The following ABCA2 variants were observed in gnomAD, a reference collection of about 807,000 sequenced individuals.
ABCA2 encodes the protein ATP-binding cassette sub-family A member 2.
In ABCA2, 84 loss-of-function variants were observed where a neutral mutation model predicts 262.8. The ratio of observed to expected loss-of-function variants is 0.32; its 90% CI spans 0.27 to 0.38. The LOEUF is 0.38. ABCA2 is among the 10% of genes least tolerant of loss of function. The pLI is 1.00. For missense variants in ABCA2, 2,662 were observed against 3,405.9 expected, an observed-to-expected ratio of 0.78 and a Z score of 5.44; for synonymous variants, 1,696 against 1,502.9, an observed-to-expected ratio of 1.13 and a Z score of -2.97.
At position 137,024,169 on chromosome 9, in the gene ABCA2, T is replaced by C. The variant is rs552119429; in HGVS notation, c.134A>G (p.Lys45Arg). Residue 45 changes from lysine (K) to arginine (R), a missense_variant, in exon 2 of 49, where the codon AAG (lysine) becomes AGG (arginine). Lys to Arg is a conservative substitution (Grantham distance 26). Around this residue, in one of 12 missense-constraint regions of ABCA2, gnomAD observed 101 missense variants for 152.3 expected, o/e 0.66. Transcript: ENST00000341511. ...TTCCTTCACGGAGATGGTGGGCTTC[T>C]TCTGTCGCAGCCCCAGCAGGATAAA... ...LFFILLGLRQ[K>R]KPTISVKEVS... is the part of the protein sequence containing the mutation. 6.2e-7 allele frequency: 1 copy of C among 1,611,532 alleles called. No individual in the cohort carries two copies. Among genetic ancestry groups the C allele is most frequent in the Non-Finnish European group, 8.5e-7 (1 of 1,179,286 alleles).
In ABCA2 at chr9:137,015,770, C is replaced by T. The variant is rs1831236816; in HGVS notation, c.3419G>A (p.Gly1140Asp). 1 of 1,612,392 alleles carries T rather than the reference C, an allele frequency of 6.2e-7. No homozygotes were observed. The highest frequency in any genetic ancestry group is 8.5e-7 in the Non-Finnish European group (1 of 1,179,830). ...RKLSVAIAFV[G>D]GSRAIILDEP... ...GTCCAGGATGATGGCGCGAGAGCCG[C>T]CCACGAAGGCGATGGCCACGGACAG... is the stretch of plus-strand genomic sequence containing the variant. Residue 1140 changes from glycine to aspartate, a missense_variant, in exon 23 of 49, where the codon GGC (glycine) becomes GAC (aspartate). By Grantham distance (94) the Gly-to-Asp change is moderately conservative. Transcript: ENST00000341511.
upstream of ABCA2, chr9:137,028,375 C>G (rs1350861851): frequency 2.9e-6 from 2 of 685,118 alleles, no homozygotes; most frequent in African/African-American, 4.0e-5. The surrounding 1 kb of genome is among the most constrained non-coding windows in gnomAD (Gnocchi z 6.9). Context: ...CCAGGAGGCG[C>G]CCGCCGCCCG....
rs761099439 is a variant in ABCA2, at chr9:137,022,778, G to C, written c.363C>G (p.Leu121=). 1.4e-5 allele frequency: 22 copies of C among 1,600,054 alleles called. No homozygotes were observed. The Admixed American group carries it at 3.6e-4, about 26-fold the overall frequency. Residue 121 remains leucine, a synonymous_variant, in exon 5 of 49, where the codon CTC becomes CTG. Transcript: ENST00000341511. Reference sequence around the variant, plus strand: ...CCTCCAGATGCTGGCGTAGGGCCTCGAGCTCTGAGCCCAGGCTGGGCCGCG... The same window carrying C: ...CCTCCAGATGCTGGCGTAGGGCCTCCAGCTCTGAGCCCAGGCTGGGCCGCG... ...DPARPSLGSE[L]EALRQHLEAL...
chr9:137,009,233 CCCCCCAGCCCCAGTG>C (rs1440251034), intron 45 of ABCA2, 122 bp downstream of exon 45: 2 of 532,836 alleles, frequency 3.8e-6, no homozygotes, highest in South Asian at 1.9e-5. Context: ...CTGCCCCAGT[CCCCCCAGCCCCAGTG>C]CCCCCAGCCC....
chr9:137,020,859 G>A lies in ABCA2; in HGVS notation c.1100C>T (p.Ala367Val), dbSNP rs566752137. ...TGCCCCTGCCCCAGTGCCATTGGCC[G>A]CCCCACCCGCACCACTGGCTGGGGG... ...PGPPASGAGG[A>V]ANGTGAGAVM... Residue 367 changes from alanine (A) to valine (V), a missense_variant, in exon 9 of 49, where the codon GCG (alanine) becomes GTG (valine). Ala to Val is a moderately conservative substitution (Grantham distance 64). Coordinates refer to ENST00000341511, the MANE Select transcript of ABCA2 (RefSeq NM_001606.5). The A allele has an allele frequency of 2.2e-5, 34 of 1,542,336 alleles. No homozygotes were observed. Among genetic ancestry groups the A allele is most frequent in the South Asian group, 3.6e-5 (3 of 84,206 alleles).
At chr9:137,009,735 C>A in intron 43 of ABCA2, 34 bp downstream of exon 43, 2 of 1,608,284 alleles carry the variant, frequency 1.2e-6, no homozygotes, top group South Asian at 1.1e-5. Flanking sequence ...AAGTCAAAGG[C>A]CAGGCAGCCA....
At chr9:137,025,535 G>A (rs1313227826) in intron 1 of ABCA2, among the ~76,000 whole-genome samples, 1 of 152,222 alleles carries the variant, frequency 6.6e-6, no homozygotes, top group African/African-American at 2.4e-5. Context: ...TTGGACAATA[G>A]GGCTTTGTGG....
At chr9:137,009,341 A>G in intron 45 of ABCA2, 29 bp downstream of exon 45, 2 of 260,374 alleles carry the variant, frequency 7.7e-6, no homozygotes, top group South Asian at 4.2e-5. Flanking sequence ...GGCCCGCCCC[A>G]GCCCACCCCT....
chr9:137,011,151 C>T lies in ABCA2; in HGVS notation c.5923+35G>A, dbSNP rs757570939. On this transcript the variant is annotated intron_variant, in intron 38 of 48. Coordinates refer to ENST00000341511, the MANE Select transcript of ABCA2 (RefSeq NM_001606.5). The surrounding 1 kb of genome is among the most constrained non-coding windows in gnomAD (Gnocchi z 8.8). ...GCCTGTGCTCTGGGCCTTGCGGGGC[C>T]CCCACCGCCTTCCCCGCCCCACGGG... is the stretch of plus-strand genomic sequence containing the variant. 5 of 1,612,208 alleles carry T rather than the reference C, an allele frequency of 3.1e-6. No homozygotes were observed. In the Admixed American group the frequency reaches 8.3e-5, roughly 27 times the overall value.
chr9:137,022,537 A>C (rs1214727403), intron 5 of ABCA2, 59 bp from the exon 6 acceptor site: 3 of 1,588,598 alleles, frequency 1.9e-6, no homozygotes, highest in Non-Finnish European at 2.6e-6. Context: ...GTGCCCCCAC[A>C]TGCGCTCGGA....
At chr9:137,010,865 C>T in intron 39 of ABCA2, 108 bp downstream of exon 39, 1 of 1,301,366 alleles carries the variant, frequency 7.7e-7, no homozygotes, top group Non-Finnish European at 1.1e-6. Flanking sequence ...TCCCCTGCCT[C>T]ACCCCCTCCT....
At chr9:137,008,682 G>A (rs765305491) in intron 47 of ABCA2, 49 bp downstream of exon 47, 26 of 1,563,086 alleles carry the variant, frequency 1.7e-5, no homozygotes, top group South Asian at 4.7e-5. Flanking sequence ...GGGGCAGGGC[G>A]GGTGAGGGGA....
chr9:137,013,838 C>G lies in ABCA2; in HGVS notation c.4441G>C (p.Glu1481Gln). Residue 1481 changes from glutamate to glutamine, a missense_variant, in exon 28 of 49, where the codon GAG becomes CAG. By Grantham distance (29) the Glu-to-Gln change is conservative. Transcript: ENST00000341511. ...VAMTVALSVPEIGDLPPLVLS... is the reference protein window; with the variant it reads ...VAMTVALSVPQIGDLPPLVLS... ...TGTCCAGCCGGTGGCCTACCAATCT[C>G]CGGGACGGACAGGGCCACGGTCATG... The G allele has an allele frequency of 6.2e-7, 1 of 1,605,398 alleles. No individual in the cohort carries two copies. The highest frequency in any genetic ancestry group is 8.5e-7 in the Non-Finnish European group (1 of 1,176,574).
Position 137,017,220 on chromosome 9 carries a change from G to A in ABCA2, c.2529C>T (p.Ile843=), listed in dbSNP as rs1322767659. ...CCGCGATGCACTTCTCGAAGGCCGTGATCTTATCATGCGCCACCTCCTCTC... is the reference window on the plus strand; with the variant it reads ...CCGCGATGCACTTCTCGAAGGCCGTAATCTTATCATGCGCCACCTCCTCTC... ...AIREEVAHDK[I]TAFEKCIASL... Residue 843 remains isoleucine (I), a synonymous_variant, in exon 18 of 49, where the codon ATC becomes ATT. Coordinates refer to ENST00000341511, the MANE Select transcript of ABCA2 (RefSeq NM_001606.5). 1.9e-6 allele frequency: 3 copies of A among 1,612,454 alleles called. No individual in the cohort carries two copies. Among genetic ancestry groups the A allele is most frequent in the African/African-American group, 1.3e-5 (1 of 74,902 alleles).
chr9:137,023,411 AC>A, intron 3 of ABCA2: 2 of 708,402 alleles, frequency 2.8e-6, no homozygotes, highest in South Asian at 1.4e-5. Context: ...AGGACAAAGG[AC>A]CCCCTCTGGG....
chr9:137,025,733 C>T (rs368995409), intron 1 of ABCA2, among the ~76,000 whole-genome samples: 1 of 152,222 alleles, frequency 6.6e-6, no homozygotes, highest in African/African-American at 2.4e-5. Flanking sequence ...GCGCCAGCCC[C>T]GCCCACACCC....
rs1201188776 is a variant in ABCA2 at position 137,019,422 on chromosome 9, A to AC, written c.1426-117dup. 235 of 722,422 alleles carry AC rather than the reference A, an allele frequency of 3.3e-4. 1 individual carries two copies. The African/African-American group carries it at 4.6e-3, about 14-fold the overall frequency. The allele number at this position is 722,422 out of a possible 1,614,324, so 44.8% of individuals were successfully genotyped here. A position where few individuals can be genotyped will look rare whatever the true frequency, so the allele number is the denominator to read the frequency against. On this transcript the variant is annotated intron_variant, in intron 10 of 48. Coordinates refer to ENST00000341511, the MANE Select transcript of ABCA2 (RefSeq NM_001606.5). The surrounding 1 kb of genome is among the most constrained non-coding windows in gnomAD (Gnocchi z 4.4). ...CCATTGCCAACAACTAACCCTCCCCACCTTTTTTTTTTTTTTTTTCCTGAG... is the reference window on the plus strand; with the variant it reads ...CCATTGCCAACAACTAACCCTCCCCACCCTTTTTTTTTTTTTTTTTCCTGAG...
In ABCA2 at chr9:137,019,905, C is replaced by T. The variant is rs974947191; in HGVS notation, c.1425+431G>A. On this transcript the variant is annotated intron_variant, in intron 10 of 48. Coordinates refer to ENST00000341511, the MANE Select transcript of ABCA2 (RefSeq NM_001606.5). The surrounding 1 kb of genome is among the most constrained non-coding windows in gnomAD (Gnocchi z 4.4). ...TGTCCCACCCTCATCCTAGGGACCC[C>T]CTCTACACCCAGGATTGGCCTCGTC... 63 of 221,974 alleles carry T rather than the reference C, an allele frequency of 2.8e-4. 1 individual carries two copies. The highest frequency in any genetic ancestry group is 1.8e-4 in the Non-Finnish European group (20 of 109,404). The allele number at this position is 221,974 out of a possible 1,614,324, so 13.8% of individuals were successfully genotyped here. A position where few individuals can be genotyped will look rare whatever the true frequency, so the allele number is the denominator to read the frequency against.
chr9:137,010,251 T>A lies in ABCA2; in HGVS notation c.6295A>T (p.Lys2099Ter). The A allele has an allele frequency of 6.2e-7, 1 of 1,602,868 alleles. No individual in the cohort carries two copies. Among genetic ancestry groups the A allele is most frequent in the Non-Finnish European group, 8.5e-7 (1 of 1,175,966 alleles). ...GTGCTCTCGTCGCCGGTCAGCATCTTGAAGGTGCTGGTCTTGCCCGCACCG... is the reference window on the plus strand; with the variant it reads ...GTGCTCTCGTCGCCGGTCAGCATCTAGAAGGTGCTGGTCTTGCCCGCACCG... ...VNGAGKTSTF[K>*]MLTGDESTTG... Residue 2099 changes from lysine to a stop codon, truncating the protein, a stop_gained, in exon 41 of 49, where the codon AAG becomes TAG. Transcript: ENST00000341511. LOFTEE classifies it high-confidence loss of function.
Sources: gnomAD v4.1 joint callset for allele counts (sites outside exome capture counted in the v4.1 genomes callset) on GRCh38, gnomAD v4.1.1 for gene constraint, gnomAD v4.1.1 regional missense constraint, Gnocchi (gnomAD v3.1) non-coding constraint, MANE v1.5 for transcripts, NCBI Gene and HGNC (gene_info 2026-07-23, HGNC 2026-07-21) for gene names.